The following GLI3 variants were observed in gnomAD, a reference collection of about 807,000 sequenced individuals.
GLI3 encodes transcription activator GLI3.
Under a neutral mutation model 100.8 loss-of-function variants are expected in GLI3, and 20 were observed. That is an observed-to-expected ratio of 0.20 (90% CI 0.14 to 0.29). GLI3 has a LOEUF of 0.29. GLI3 is among the 10% of genes least tolerant of loss of function. The pLI, the probability that GLI3 is intolerant of heterozygous loss-of-function variation, is 1.00. For missense variants in GLI3, 2,040 were observed against 2,128.5 expected, an observed-to-expected ratio of 0.96 and a Z score of 0.82; for synonymous variants, 938 against 860.5, an observed-to-expected ratio of 1.09 and a Z score of -1.58.
intron 1 of GLI3, among the ~76,000 whole-genome samples, chr7:42,228,043 C>T (rs1376846748): frequency 6.6e-6 from 1 of 152,206 alleles, no homozygotes; most frequent in Non-Finnish European, 1.5e-5. Context: ...ACCACTTTTG[C>T]CCGCGCCTGC....
At chr7:41,985,784 C>A (rs1006663321) in intron 10 of GLI3, among the ~76,000 whole-genome samples, 5 of 152,102 alleles carry the variant, frequency 3.3e-5, no homozygotes, top group African/African-American at 4.8e-5. Flanking sequence ...TAATTGGATT[C>A]CTAAATGCTT....
At chr7:42,115,882 TAAC>T (rs1785841220) in intron 3 of GLI3, among the ~76,000 whole-genome samples, 1 of 152,122 alleles carries the variant, frequency 6.6e-6, no homozygotes, top group South Asian at 2.1e-4. Flanking sequence ...TGGCAAGTGT[TAAC>T]AACTGTCATA....
At chr7:42,055,646 A>C (rs943479829) in intron 4 of GLI3, among the ~76,000 whole-genome samples, 1 of 151,480 alleles carries the variant, frequency 6.6e-6, no homozygotes, top group Non-Finnish European at 1.5e-5. Context: ...CCCTACCCAC[A>C]CCTCTGTACA....
chr7:42,052,412 A>G (rs1204869583), intron 4 of GLI3, among the ~76,000 whole-genome samples: 1 of 152,198 alleles, frequency 6.6e-6, no homozygotes, highest in Non-Finnish European at 1.5e-5. Flanking sequence ...AAAATCATAA[A>G]GTCACATGAG....
intron 11 of GLI3, 145 bp from the exon 12 acceptor site, chr7:41,977,867 G>A (rs952878343): frequency 1.5e-5 from 11 of 737,056 alleles, no homozygotes; most frequent in Admixed American, 7.9e-5. Context: ...ACTAAACTCT[G>A]CATTTATTGG....
intron 3 of GLI3, among the ~76,000 whole-genome samples, chr7:42,108,143 G>T (rs1294371150): frequency 5.9e-5 from 9 of 152,176 alleles, no homozygotes; most frequent in African/African-American, 2.2e-4. Context: ...GTGAAAACTT[G>T]AGCAAATCCT....
In GLI3 at chr7:42,079,008, C is replaced by T. The variant is rs146464814; in HGVS notation, c.368-2151G>A. Among the ~76,000 whole-genome samples the T allele has an allele frequency of 1.7e-4, 26 of 152,226 alleles. No homozygotes were observed. The East Asian group carries it at 4.1e-3, about 24-fold the overall frequency. ...CCTCCCAAAGTGCTGGGATTACAGG[C>T]GTCAGCCACCGCGCCCGGCCTCATT... On this transcript the variant is annotated intron_variant, in intron 3 of 14. Transcript: ENST00000395925.
intron 10 of GLI3, among the ~76,000 whole-genome samples, chr7:42,022,526 G>A (rs1451282456): frequency 6.6e-6 from 1 of 152,092 alleles, no homozygotes; most frequent in Non-Finnish European, 1.5e-5. Flanking sequence ...GAGGGGAATC[G>A]CAACAAATGC....
rs1239256627 is a variant in GLI3, at chr7:42,059,824, T to C, written c.474-11128A>G. Among the ~76,000 whole-genome samples, 4 of 152,378 alleles carry C rather than the reference T, an allele frequency of 2.6e-5. No homozygotes were observed. The East Asian group carries it at 7.7e-4, about 29-fold the overall frequency. On this transcript the variant is annotated intron_variant, in intron 4 of 14. Coordinates refer to ENST00000395925, the MANE Select transcript of GLI3 (RefSeq NM_000168.6). ...CCCTAAGATAACAAGTGGTTACCTTTGATCAGCCAAGCTTTTTCCCTTGGG... is the reference window on the plus strand; with the variant it reads ...CCCTAAGATAACAAGTGGTTACCTTCGATCAGCCAAGCTTTTTCCCTTGGG...
At chr7:42,218,459 G>A (rs1282843355) in intron 2 of GLI3, among the ~76,000 whole-genome samples, 2 of 145,058 alleles carry the variant, frequency 1.4e-5, no homozygotes, top group Non-Finnish European at 3.0e-5. Flanking sequence ...ACTTTTAAAG[G>A]CAAAAACCGC....
chr7:42,236,555 G>T (rs1289663913), intron 1 of GLI3, among the ~76,000 whole-genome samples: 1 of 152,128 alleles, frequency 6.6e-6, no homozygotes, highest in Non-Finnish European at 1.5e-5. Flanking sequence ...CGCCCATCCC[G>T]AGCGCCGTGC....
intron 13 of GLI3, among the ~76,000 whole-genome samples, chr7:41,969,429 A>G (rs927830811): frequency 5.3e-5 from 8 of 152,218 alleles, no homozygotes; most frequent in Non-Finnish European, 1.2e-4. Context: ...TTCTTCTGCT[A>G]TCATGGTACA....
At chr7:42,124,035 C>T (rs931317555) in intron 3 of GLI3, among the ~76,000 whole-genome samples, 13 of 152,048 alleles carry the variant, frequency 8.5e-5, no homozygotes, top group African/African-American at 1.2e-4. Flanking sequence ...CTGCTTTGTT[C>T]GACTCTCCCA....
intron 5 of GLI3, among the ~76,000 whole-genome samples, chr7:42,046,869 A>G (rs1156306481): frequency 6.6e-6 from 1 of 152,160 alleles, no homozygotes; most frequent in East Asian, 1.9e-4. Flanking sequence ...TAAAATGTGA[A>G]TCTTGGCCAG....
chr7:42,201,988 A>G lies in GLI3; in HGVS notation c.124+21142T>C, dbSNP rs185318612. On this transcript the variant is annotated intron_variant, in intron 2 of 14. Transcript: ENST00000395925. ...TCCCAGCTACTCAGGAGGCTGAGGC[A>G]GGAGAATCGCTTGAACCCAGGAGGC... is the stretch of plus-strand genomic sequence containing the variant. Among the ~76,000 whole-genome samples, 462 of 150,372 alleles carry G rather than the reference A, an allele frequency of 3.1e-3. 3 individuals carry two copies. The highest frequency in any genetic ancestry group is 0.011 in the African/African-American group (445 of 41,090).
At position 42,194,759 on chromosome 7, in the gene GLI3, CT is replaced by C. The variant is rs61524545; in HGVS notation, c.124+28370del. ...AATGCATCAACTTCTCTCTCTGTCT[CT>C]TTTTTTTTTTTTTTTTGGAGTCGGA... On this transcript the variant is annotated intron_variant, in intron 2 of 14. Coordinates refer to ENST00000395925, the MANE Select transcript of GLI3 (RefSeq NM_000168.6). Among the ~76,000 whole-genome samples, 745 of 108,934 alleles carry C rather than the reference CT, an allele frequency of 6.8e-3. 10 individuals carry two copies. Among genetic ancestry groups the C allele is most frequent in the African/African-American group, 0.02 (504 of 24,722 alleles). The allele number at this position is 108,934 out of a possible 152,430, so 71.5% of individuals were successfully genotyped here.
intron 7 of GLI3, among the ~76,000 whole-genome samples, chr7:42,033,361 A>G (rs1239124006): frequency 6.6e-6 from 1 of 152,192 alleles, no homozygotes; most frequent in African/African-American, 2.4e-5. Context: ...CTTAAAAGAA[A>G]CTCATGTGAT....
chr7:42,063,418 C>T (rs1280543744), intron 4 of GLI3, among the ~76,000 whole-genome samples: 1 of 152,094 alleles, frequency 6.6e-6, no homozygotes, highest in Non-Finnish European at 1.5e-5. Context: ...TTGGTTTTTA[C>T]TTTACTTATT....
chr7:42,132,171 G>C (rs1056418206), intron 3 of GLI3, among the ~76,000 whole-genome samples: 4 of 151,898 alleles, frequency 2.6e-5, no homozygotes, highest in African/African-American at 9.7e-5. Flanking sequence ...TTCAATCTCG[G>C]CTCACTGCAA....
Sources: gnomAD v4.1 joint callset for allele counts (sites outside exome capture counted in the v4.1 genomes callset) on GRCh38, gnomAD v4.1.1 for gene constraint, MANE v1.5 for transcripts, NCBI Gene and HGNC (gene_info 2026-07-23, HGNC 2026-07-21) for gene names.